Variants in TMC1 observed in about 807,000 individuals in gnomAD.
The protein encoded by TMC1 is transmembrane channel-like protein 1.
A neutral mutation model predicts 105.8 loss-of-function variants in TMC1; 84 were observed. The observed-to-expected ratio is 0.79, with a 90% CI of 0.67 to 0.95. The LOEUF (loss-of-function observed/expected upper bound fraction) is 0.95. TMC1 is among the 40% of genes least tolerant of loss of function. TMC1 has a pLI of 0.00. For missense variants in TMC1, 817 were observed against 914.1 expected (o/e 0.89, Z 1.37); for synonymous variants, 315 against 311.5 (o/e 1.01, Z -0.12).
chr9:72,760,660 T>C (rs1421173930), intron 12 of TMC1, among the ~76,000 whole-genome samples: 1 of 151,974 alleles, frequency 6.6e-6, no homozygotes, highest in Non-Finnish European at 1.5e-5. Flanking sequence ...ACAGACTATA[T>C]AGAGGTAAGT....
chr9:72,553,615 AT>A (rs1193992086), intron 1 of TMC1, among the ~76,000 whole-genome samples: 2 of 151,602 alleles, frequency 1.3e-5, no homozygotes, highest in African/African-American at 2.4e-5. Flanking sequence ...ACTTTTGCTG[AT>A]TTTTTTTTCT....
At chr9:72,723,355 T>A (rs1283525173) in intron 8 of TMC1, among the ~76,000 whole-genome samples, 1 of 152,204 alleles carries the variant, frequency 6.6e-6, no homozygotes, top group Admixed American at 6.5e-5. Flanking sequence ...CACTTTTTAT[T>A]CAAGAGAAAT....
chr9:72,529,667 GT>G (rs572049643), intron 1 of TMC1, among the ~76,000 whole-genome samples: 213 of 141,808 alleles, frequency 1.5e-3, no homozygotes, highest in African/African-American at 3.7e-3. Context: ...TTGTTTCTCT[GT>G]TTTTTTTTTT....
intron 4 of TMC1, among the ~76,000 whole-genome samples, chr9:72,635,289 G>A (rs1163083334): frequency 6.6e-6 from 1 of 151,808 alleles, no homozygotes; most frequent in Non-Finnish European, 1.5e-5. Flanking sequence ...AAAGAAAAAT[G>A]TTCCTTCAGA....
intron 2 of TMC1, among the ~76,000 whole-genome samples, chr9:72,606,982 C>CGTGCATATATAT (rs1418890651): frequency 2.1e-5 from 3 of 142,080 alleles, no homozygotes; most frequent in African/African-American, 7.9e-5. Context: ...TGTGTGTGTG[C>CGTGCATATATAT]ATATATATAT....
chr9:72,725,784 G>A (rs985213278), intron 8 of TMC1, among the ~76,000 whole-genome samples: 3 of 151,848 alleles, frequency 2.0e-5, no homozygotes, highest in African/African-American at 7.3e-5. Flanking sequence ...TCTGCCTCCC[G>A]GGTTCAAGCC....
chr9:72,700,277 A>G (rs985553577), intron 7 of TMC1, among the ~76,000 whole-genome samples: 7 of 151,832 alleles, frequency 4.6e-5, no homozygotes, highest in Non-Finnish European at 1.0e-4. Context: ...AAAGAAAAGA[A>G]AAAAACAGAA....
At chr9:72,536,384 G>C (rs980223986) in intron 1 of TMC1, among the ~76,000 whole-genome samples, 10 of 152,202 alleles carry the variant, frequency 6.6e-5, no homozygotes, top group Non-Finnish European at 4.4e-5. Flanking sequence ...CCAGGCTGGA[G>C]TGCAGTGGTG....
chr9:72,772,881 T>C (rs1191011878), intron 13 of TMC1, among the ~76,000 whole-genome samples: 1 of 152,168 alleles, frequency 6.6e-6, no homozygotes, highest in African/African-American at 2.4e-5. Context: ...GGAAAACAGC[T>C]GCTGGTCTCT....
chr9:72,644,609 A>T (rs1825679362), intron 4 of TMC1, among the ~76,000 whole-genome samples: 1 of 152,126 alleles, frequency 6.6e-6, no homozygotes. Context: ...TGTTTCAGTG[A>T]TTCATCTATG....
At chr9:72,761,709 G>T (rs1328201480) in intron 12 of TMC1, among the ~76,000 whole-genome samples, 1 of 152,138 alleles carries the variant, frequency 6.6e-6, no homozygotes, top group Non-Finnish European at 1.5e-5. Flanking sequence ...GACACATATA[G>T]AATGTTAATA....
At chr9:72,694,377 G>A (rs1325435977) in intron 6 of TMC1, among the ~76,000 whole-genome samples, 166 bp from the exon 7 acceptor site, 1 of 152,212 alleles carries the variant, frequency 6.6e-6, no homozygotes, top group Admixed American at 6.5e-5. Context: ...TTATTTAAAT[G>A]ATGGGCTATG....
At chr9:72,657,455 T>C (rs1304620493) in intron 5 of TMC1, among the ~76,000 whole-genome samples, 1 of 152,238 alleles carries the variant, frequency 6.6e-6, no homozygotes, top group Non-Finnish European at 1.5e-5. Flanking sequence ...CAATACTGTT[T>C]TTTTTATAAT....
intron 17 of TMC1, among the ~76,000 whole-genome samples, chr9:72,804,631 GT>G (rs1828537623): frequency 6.6e-6 from 1 of 152,206 alleles, no homozygotes; most frequent in Non-Finnish European, 1.5e-5. Flanking sequence ...AAATATTGCT[GT>G]CATAGGCATT....
At position 72,755,051 on chromosome 9, in the gene TMC1, AGAGG is replaced by A. The variant is rs1182759531; in HGVS notation, c.741+187_741+190del. ...AAGAAAGAAAGAAAGAGAGAGAGAGAGAGGGAGGGAGGGAGGGAGGGAGAGAGAG... is the reference window on the plus strand; with the variant it reads ...AAGAAAGAAAGAAAGAGAGAGAGAGAGAGGGAGGGAGGGAGGGAGAGAGAG... On this transcript the variant is annotated intron_variant, in intron 12 of 23. Coordinates refer to ENST00000297784, the MANE Select transcript of TMC1 (RefSeq NM_138691.3). Among the ~76,000 whole-genome samples, 654 of 130,236 alleles carry A rather than the reference AGAGG, an allele frequency of 5.0e-3. 2 individuals carry two copies. The highest frequency in any genetic ancestry group is 7.2e-3 in the East Asian group (27 of 3,748). 85.4% of individuals were successfully genotyped at this position (130,236 alleles called of 152,430 possible).
intron 2 of TMC1, among the ~76,000 whole-genome samples, chr9:72,603,367 A>ACT (rs746644121): frequency 7.0e-6 from 1 of 143,478 alleles, no homozygotes. Context: ...AAACTAACTT[A>ACT]CTCCTTCTCT....
chr9:72,679,356 C>T (rs1238564409), intron 5 of TMC1, among the ~76,000 whole-genome samples: 1 of 151,982 alleles, frequency 6.6e-6, no homozygotes, highest in Non-Finnish European at 1.5e-5. Flanking sequence ...TCTATAGGCC[C>T]CTCTCTCTTT....
intron 1 of TMC1, among the ~76,000 whole-genome samples, chr9:72,569,407 A>G (rs1824228986): frequency 6.6e-6 from 1 of 152,176 alleles, no homozygotes; most frequent in South Asian, 2.1e-4. Flanking sequence ...TCTATTTGGT[A>G]TACTGAAAGA....
chr9:72,522,854 C>T (rs969182040), intron 1 of TMC1, among the ~76,000 whole-genome samples: 2 of 152,196 alleles, frequency 1.3e-5, no homozygotes, highest in Non-Finnish European at 2.9e-5. Context: ...GTTTCTCAAC[C>T]TTAGCACTAT....
Sources: allele counts gnomAD v4.1 joint callset (sites outside exome capture counted in the v4.1 genomes callset), GRCh38; gene constraint gnomAD v4.1.1; transcripts MANE v1.5; gene names NCBI Gene and HGNC (gene_info 2026-07-23, HGNC 2026-07-21).